The following ELAVL2 variants were observed in gnomAD, a reference collection of about 807,000 sequenced individuals.
ELAVL2 encodes ELAV like RNA binding protein 2.
In ELAVL2, 4 loss-of-function variants were observed where a neutral mutation model predicts 34.6. That is an observed-to-expected ratio of 0.12 (90% CI 0.06 to 0.26). The LOEUF is 0.26. Ranked by LOEUF, ELAVL2 falls within the 10% of genes least tolerant of loss-of-function variation. The pLI, the probability that ELAVL2 is intolerant of heterozygous loss-of-function variation, is 1.00. For missense variants in ELAVL2, 432 were observed against 442.8 expected, an observed-to-expected ratio of 0.98 and a Z score of 0.22; for synonymous variants, 193 against 154.8, an observed-to-expected ratio of 1.25 and a Z score of -1.83.
At chr9:23,741,232 A>G (rs2049087715) in intron 2 of ELAVL2, among the ~76,000 whole-genome samples, 1 of 152,160 alleles carries the variant, frequency 6.6e-6, no homozygotes, top group Non-Finnish European at 1.5e-5. Flanking sequence ...AGACAAGCCA[A>G]AAGCATACTA....
At chr9:23,727,541 T>A (rs1051076896) in intron 3 of ELAVL2, among the ~76,000 whole-genome samples, 4 of 152,076 alleles carry the variant, frequency 2.6e-5, no homozygotes, top group African/African-American at 9.7e-5. Context: ...CCGCCAAACA[T>A]CTTTGGTGAT....
chr9:23,803,663 C>A (rs564305390), intron 1 of ELAVL2, among the ~76,000 whole-genome samples: 7 of 152,134 alleles, frequency 4.6e-5, no homozygotes, highest in Non-Finnish European at 7.3e-5. Flanking sequence ...TAGAAACCCA[C>A]CCATGTTCCA....
chr9:23,761,376 G>A (rs1167567821), intron 2 of ELAVL2, among the ~76,000 whole-genome samples: 1 of 151,936 alleles, frequency 6.6e-6, no homozygotes, highest in Non-Finnish European at 1.5e-5. Context: ...TAAAAATTTA[G>A]TCAAATCTTA....
intron 1 of ELAVL2, among the ~76,000 whole-genome samples, chr9:23,771,378 G>C (rs987367696): frequency 3.3e-5 from 5 of 152,036 alleles, no homozygotes; most frequent in Non-Finnish European, 5.9e-5. Flanking sequence ...AGCAAAGGAA[G>C]AGATTTTATG....
At chr9:23,778,969 C>G (rs538332139) in intron 1 of ELAVL2, among the ~76,000 whole-genome samples, 1 of 152,216 alleles carries the variant, frequency 6.6e-6, no homozygotes, top group South Asian at 2.1e-4. Context: ...GAGTTTGAGA[C>G]AGTTAATTCA....
intron 3 of ELAVL2, among the ~76,000 whole-genome samples, chr9:23,714,032 C>T (rs1306290606): frequency 6.6e-6 from 1 of 152,138 alleles, no homozygotes; most frequent in Non-Finnish European, 1.5e-5. Flanking sequence ...AAACTATTAG[C>T]AAAGAGCAGA....
At chr9:23,821,089 C>G (rs1198203993) in intron 1 of ELAVL2, 1 of 152,518 alleles carries the variant, frequency 6.6e-6, no homozygotes, top group Non-Finnish European at 1.5e-5. Context: ...GGGCACACAC[C>G]AGACACCACC....
At chr9:23,814,697 C>T (rs995055263) in intron 1 of ELAVL2, among the ~76,000 whole-genome samples, 2 of 152,088 alleles carry the variant, frequency 1.3e-5, no homozygotes, top group African/African-American at 4.8e-5. Flanking sequence ...AAATCTTGCT[C>T]CCTCTATAAT....
At chr9:23,724,505 G>T (rs186299658) in intron 3 of ELAVL2, among the ~76,000 whole-genome samples, 1 of 152,250 alleles carries the variant, frequency 6.6e-6, no homozygotes, top group Non-Finnish European at 1.5e-5. Context: ...CATTAGATGA[G>T]TAAGAAATTT....
chr9:23,728,289 C>T (rs761325741), intron 3 of ELAVL2, among the ~76,000 whole-genome samples: 25 of 152,218 alleles, frequency 1.6e-4, no homozygotes, highest in Admixed American at 6.5e-4. Context: ...AAGACAGAAG[C>T]TGAAGGACAG....
At chr9:23,730,641 G>A (rs866703792) in intron 3 of ELAVL2, among the ~76,000 whole-genome samples, 1 of 152,118 alleles carries the variant, frequency 6.6e-6, no homozygotes, top group Admixed American at 6.6e-5. Flanking sequence ...GCAGAGTTGA[G>A]AAGTTGTGAC....
chr9:23,826,306 A>C (rs1346212838), upstream of ELAVL2: 2 of 152,378 alleles, frequency 1.3e-5, no homozygotes, highest in South Asian at 2.1e-4. Flanking sequence ...CTGCCTCCGC[A>C]CTGCCGTGTG....
the ELAVL2 span, among the ~76,000 whole-genome samples, chr9:23,838,316 A>G: frequency 6.6e-6 from 1 of 152,106 alleles, no homozygotes. Context: ...AAAAAACTCT[A>G]CAGCTCAAGC....
chr9:23,791,818 T>C (rs1564484420), intron 1 of ELAVL2, among the ~76,000 whole-genome samples: 1 of 152,192 alleles, frequency 6.6e-6, no homozygotes, highest in Non-Finnish European at 1.5e-5. Context: ...TCCAGAACCA[T>C]GAGAAAATAA....
chr9:23,710,175 C>T (rs1042500734), intron 3 of ELAVL2, among the ~76,000 whole-genome samples: 1 of 152,112 alleles, frequency 6.6e-6, no homozygotes, highest in African/African-American at 2.4e-5. Context: ...TAGTGTATTA[C>T]TTGTAATTAA....
rs1248120402 is a variant in ELAVL2 at position 23,692,233 on chromosome 9, G to A, written c.*324C>T. ...CTCAATATTTACTCACAGGTTCAAGGCAGTTATGTAAAAAGAAAAGAAATG... is the reference window on the plus strand; with the variant it reads ...CTCAATATTTACTCACAGGTTCAAGACAGTTATGTAAAAAGAAAAGAAATG... On this transcript the variant is annotated 3_prime_UTR_variant, in exon 7 of 7. Transcript: ENST00000397312. 2 of 215,484 alleles carry A rather than the reference G, an allele frequency of 9.3e-6. No homozygotes were observed. The highest frequency in any genetic ancestry group is 5.1e-5 in the Admixed American group (1 of 19,700). 13.3% of individuals were successfully genotyped at this position (215,484 alleles called of 1,614,324 possible).
chr9:23,825,404 C>G (rs1301353407), intron 1 of ELAVL2, among the ~76,000 whole-genome samples: 1 of 152,182 alleles, frequency 6.6e-6, no homozygotes, highest in Non-Finnish European at 1.5e-5. Flanking sequence ...TCTGATTCCC[C>G]TTAATGATTG....
At chr9:23,782,897 C>A (rs933770372) in intron 1 of ELAVL2, among the ~76,000 whole-genome samples, 4 of 152,152 alleles carry the variant, frequency 2.6e-5, no homozygotes, top group African/African-American at 9.6e-5. Flanking sequence ...GAAGTGAAAC[C>A]AGGAAGGAAG....
At chr9:23,813,558 T>C (rs1336054860) in intron 1 of ELAVL2, among the ~76,000 whole-genome samples, 4 of 152,084 alleles carry the variant, frequency 2.6e-5, no homozygotes, top group South Asian at 2.1e-4. Flanking sequence ...CAAGTAGCAA[T>C]GTTGACCCCA....
Sources: gnomAD v4.1 joint callset for allele counts (sites outside exome capture counted in the v4.1 genomes callset) on GRCh38, gnomAD v4.1.1 for gene constraint, MANE v1.5 for transcripts, NCBI Gene and HGNC (gene_info 2026-07-23, HGNC 2026-07-21) for gene names.